The following COL5A2 variants were observed in gnomAD, a reference collection of about 807,000 sequenced individuals.
COL5A2 encodes collagen type V alpha 2 chain, also known as collagen alpha-2(V) chain.
COL5A2 carries 23 observed loss-of-function variants against 208.2 expected under a neutral mutation model. The observed-to-expected ratio is 0.11, with a 90% CI of 0.08 to 0.16. The LOEUF (loss-of-function observed/expected upper bound fraction) is 0.16, where lower values mean the gene tolerates loss of function less well. COL5A2 is among the 10% of genes least tolerant of loss of function. COL5A2 has a pLI of 1.00. For synonymous variants in COL5A2, 625 were observed against 628.5 expected, an observed-to-expected ratio of 0.99 and a Z score of 0.08; for missense variants, 1,590 against 1,956.4, an observed-to-expected ratio of 0.81 and a Z score of 3.53.
chr2:189,399,066 T>C, the COL5A2 span, among the ~76,000 whole-genome samples: 98 of 152,280 alleles, frequency 6.4e-4, no homozygotes, highest in African/African-American at 2.3e-3. Flanking sequence ...GTTAATACAA[T>C]CAATATTCAT....
At chr2:189,410,806 A>G in the COL5A2 span, among the ~76,000 whole-genome samples, 10 of 152,216 alleles carry the variant, frequency 6.6e-5, no homozygotes, top group Non-Finnish European at 1.5e-4. Flanking sequence ...TATGAATGCA[A>G]TTAGAAGGTA....
At chr2:189,136,035 G>C (rs2105762960) in intron 1 of COL5A2, among the ~76,000 whole-genome samples, 1 of 152,308 alleles carries the variant, frequency 6.6e-6, no homozygotes, top group East Asian at 1.9e-4. Flanking sequence ...GCTATGTTCA[G>C]GGAGGTGTTA....
rs563354670 is a variant in COL5A2, at chr2:189,126,848, C to T, written c.98-16399G>A. On this transcript the variant is annotated intron_variant, in intron 1 of 53. Coordinates refer to ENST00000374866, the MANE Select transcript of COL5A2 (RefSeq NM_000393.5). ...GGAATGCTAAGGCCATGAGCAGAGA[C>T]AATAGTTTTCCACCCAACAAATACT... Among the ~76,000 whole-genome samples, 16 of 152,180 alleles carry T rather than the reference C, an allele frequency of 1.1e-4. No individual in the cohort carries two copies. The East Asian group carries it at 3.1e-3, about 29-fold the overall frequency.
intron 1 of COL5A2, among the ~76,000 whole-genome samples, chr2:189,134,506 T>C (rs1217240835): frequency 1.3e-5 from 2 of 152,240 alleles, no homozygotes; most frequent in East Asian, 3.9e-4. Context: ...GGAGAATCGC[T>C]TGAACTCGGA....
rs377278700 is a variant in COL5A2 at position 189,075,858 on chromosome 2, G to A, written c.1060-421C>T. 1.8e-4 allele frequency among the ~76,000 whole-genome samples: 28 copies of A among 152,244 alleles called. 1 individual carries two copies. The highest frequency in any genetic ancestry group is 3.4e-3 in the Middle Eastern group (1 of 294). ...TAGTGAATTCTGTAGGTTTCACCCA[G>A]AGCTCCCTTAAGTACTGAAGTATTC... On this transcript the variant is annotated intron_variant, in intron 16 of 53. Transcript: ENST00000374866.
At chr2:189,077,714 A>C (rs948429400) in intron 16 of COL5A2, among the ~76,000 whole-genome samples, 1 of 152,178 alleles carries the variant, frequency 6.6e-6, no homozygotes, top group Non-Finnish European at 1.5e-5. Flanking sequence ...ACACTTTCCA[A>C]ATCAGGGCCC....
intron 2 of COL5A2, among the ~76,000 whole-genome samples, chr2:189,106,821 TTTAA>T (rs1687159413): frequency 6.6e-6 from 1 of 151,446 alleles, no homozygotes; most frequent in East Asian, 1.9e-4. Context: ...ATACTTTTAC[TTTAA>T]TTATGAAAGA....
intron 23 of COL5A2, 43 bp downstream of exon 23, chr2:189,066,347 T>G: frequency 6.6e-7 from 1 of 1,525,004 alleles, no homozygotes. Flanking sequence ...ACACACATAA[T>G]TCCCTCACAA....
At position 189,149,119 on chromosome 2, in the gene COL5A2, G is replaced by A. The variant is rs541016342; in HGVS notation, c.97+30389C>T. Among the ~76,000 whole-genome samples, 3 of 152,240 alleles carry A rather than the reference G, an allele frequency of 2.0e-5. No individual in the cohort carries two copies. In the South Asian group the frequency reaches 6.2e-4, roughly 32 times the overall value. ...CGCACCACTGCACTCCCACTTGGGC[G>A]ACAGAATAAGACTCATTGTACTCCA... is the stretch of plus-strand genomic sequence containing the variant. On this transcript the variant is annotated intron_variant, in intron 1 of 53. Coordinates refer to ENST00000374866, the MANE Select transcript of COL5A2 (RefSeq NM_000393.5).
Position 189,033,479 on chromosome 2 carries a change from G to GT in COL5A2, c.*590dup, listed in dbSNP as rs200554257. ...AATTCTATTTAAGACAGTGAGAAACGTTTTTTTTTTTTTAAGATTCTCCTT... is the reference window on the plus strand; with the variant it reads ...AATTCTATTTAAGACAGTGAGAAACGTTTTTTTTTTTTTTAAGATTCTCCTT... On this transcript the variant is annotated 3_prime_UTR_variant, in exon 54 of 54. Coordinates refer to ENST00000374866, the MANE Select transcript of COL5A2 (RefSeq NM_000393.5). The GT allele has an allele frequency of 0.019, 2,720 of 140,096 alleles. 25 individuals are homozygous for GT. The highest frequency in any genetic ancestry group is 0.024 in the Non-Finnish European group (1,537 of 63,768). 8.7% of individuals were successfully genotyped at this position (140,096 alleles called of 1,614,324 possible).
intron 7 of COL5A2, among the ~76,000 whole-genome samples, chr2:189,092,045 A>G (rs1686798183): frequency 6.6e-6 from 1 of 152,184 alleles, no homozygotes; most frequent in South Asian, 2.1e-4. Flanking sequence ...TAGAATCAAT[A>G]GAAAAAACAA....
the COL5A2 span, among the ~76,000 whole-genome samples, chr2:189,413,595 T>C: frequency 6.6e-6 from 1 of 152,124 alleles, no homozygotes; most frequent in South Asian, 2.1e-4. Context: ...CATTAGAACC[T>C]TTCACAGCGA....
upstream of COL5A2, among the ~76,000 whole-genome samples, chr2:189,180,736 G>GCTTTATTATTAAAGCTTATTATTAC (rs1688768146): frequency 6.6e-6 from 1 of 152,186 alleles, no homozygotes; most frequent in African/African-American, 2.4e-5. Flanking sequence ...GGTATTATTA[G>GCTTTATTATTAAAGCTTATTATTAC]CTTTAAGCCA....
the COL5A2 span, among the ~76,000 whole-genome samples, chr2:189,305,475 A>T: frequency 6.6e-6 from 1 of 152,206 alleles, no homozygotes; most frequent in African/African-American, 2.4e-5. Flanking sequence ...CCATGTGAGG[A>T]TGTAATAATG....
At chr2:189,103,117 T>C (rs1447775288) in intron 3 of COL5A2, among the ~76,000 whole-genome samples, 1 of 152,086 alleles carries the variant, frequency 6.6e-6, no homozygotes, top group Non-Finnish European at 1.5e-5. Flanking sequence ...TCTCTATCTG[T>C]CTATCCATGC....
intron 1 of COL5A2, among the ~76,000 whole-genome samples, chr2:189,221,100 T>C (rs1217287545): frequency 2.0e-5 from 3 of 152,216 alleles, no homozygotes; most frequent in African/African-American, 4.8e-5. Flanking sequence ...CTAAAAATAC[T>C]ATCTGTAAAT....
the COL5A2 span, among the ~76,000 whole-genome samples, chr2:189,327,551 C>A: frequency 6.6e-6 from 1 of 151,976 alleles, no homozygotes; most frequent in East Asian, 1.9e-4. Flanking sequence ...GAGATATGTG[C>A]GAAATCAATG....
At position 189,087,377 on chromosome 2, in the gene COL5A2, G is replaced by T. The variant is rs538035132; in HGVS notation, c.646-607C>A. ...AACAAAAGGAAGAAAACAAAAATGCGATTTTAGAACATTTATTATTATATG... is the reference window on the plus strand; with the variant it reads ...AACAAAAGGAAGAAAACAAAAATGCTATTTTAGAACATTTATTATTATATG... On this transcript the variant is annotated intron_variant, in intron 8 of 53. Transcript: ENST00000374866. Among the ~76,000 whole-genome samples the T allele has an allele frequency of 5.9e-5, 9 of 151,788 alleles. No homozygotes were observed. The South Asian group carries it at 1.7e-3, about 28-fold the overall frequency.
At chr2:189,200,663 C>T (rs1279675274) in intron 1 of COL5A2, among the ~76,000 whole-genome samples, 1 of 145,432 alleles carries the variant, frequency 6.9e-6, no homozygotes, top group Non-Finnish European at 1.5e-5. Flanking sequence ...ATACCAAAGA[C>T]AAAACAACTA....
Sources: gnomAD v4.1 joint callset for allele counts (sites outside exome capture counted in the v4.1 genomes callset) on GRCh38, gnomAD v4.1.1 for gene constraint, MANE v1.5 for transcripts, NCBI Gene and HGNC (gene_info 2026-07-23, HGNC 2026-07-21) for gene names.